The following AACS variants were observed in gnomAD, a reference collection of about 807,000 sequenced individuals.
AACS encodes the protein acetoacetyl-CoA synthetase.
A neutral mutation model predicts 83.1 loss-of-function variants in AACS; 69 were observed. The ratio of observed to expected loss-of-function variants is 0.83; its 90% CI spans 0.68 to 1.01. AACS has a LOEUF of 1.01. Among genes scored for constraint, AACS ranks in the 50% least tolerant of loss-of-function variants. The pLI is 0.00. For missense variants in AACS, 866 were observed against 882.2 expected (o/e 0.98, Z 0.23); for synonymous variants, 333 against 343.4 (o/e 0.97, Z 0.33).
rs74563339 is a variant in AACS, at chr12:125,073,820, T to A, written c.134-56T>A. ...AGGCTTCTGAGGTGTGTCCATCTTA[T>A]TAATGGATTGCCAAGATTTCCCTTC... is the stretch of plus-strand genomic sequence containing the variant. On this transcript the variant is annotated intron_variant, in intron 1 of 17. Coordinates refer to ENST00000316519, the MANE Select transcript of AACS (RefSeq NM_023928.5). 2,768 of 1,439,332 alleles carry A rather than the reference T, an allele frequency of 1.9e-3. 55 individuals are homozygous for A. In the African/African-American group the frequency reaches 0.031, roughly 16 times the overall value. 89.2% of individuals were successfully genotyped at this position (1,439,332 alleles called of 1,614,324 possible). A position where few individuals can be genotyped will look rare whatever the true frequency, so the allele number is the denominator to read the frequency against.
chr12:125,065,660 A>G lies in AACS; in HGVS notation c.76A>G (p.Asn26Asp). 6.5e-7 allele frequency: 1 copy of G among 1,547,240 alleles called. No homozygotes were observed. Among genetic ancestry groups the G allele is most frequent in the African/African-American group, 1.4e-5 (1 of 72,484 alleles). The change falls in exon 1 of 18, where the codon AAC becomes GAC. Residue 26 changes from asparagine to aspartate, a missense_variant. Asn to Asp is a conservative substitution (Grantham distance 23). Transcript: ENST00000316519. ...QVMWEPDSKK[N>D]TQMDRFRAAV... Reference sequence around the variant, plus strand: ...GATGTGGGAGCCTGACAGTAAGAAGAACACGCAGATGGACCGCTTCCGGGC... The same window carrying G: ...GATGTGGGAGCCTGACAGTAAGAAGGACACGCAGATGGACCGCTTCCGGGC...
chr12:125,142,035 G>A, intron 17 of AACS, 57 bp from the exon 18 acceptor site: 4 of 1,605,868 alleles, frequency 2.5e-6, no homozygotes, highest in South Asian at 1.1e-5. Flanking sequence ...ATCCAGGGCT[G>A]CGGATTTTCC....
At chr12:125,081,407 G>T (rs906496689) in intron 3 of AACS, among the ~76,000 whole-genome samples, 20 of 152,194 alleles carry the variant, frequency 1.3e-4, no homozygotes, top group African/African-American at 4.1e-4. Context: ...TTAAGCAAGG[G>T]CCTAAGCAGC....
intron 17 of AACS, chr12:125,138,855 T>G (rs944781067): frequency 7.9e-5 from 12 of 151,290 alleles, no homozygotes; most frequent in Non-Finnish European, 1.5e-4. Flanking sequence ...TAGGGAGGGG[T>G]CCAGCCTCCA....
intron 5 of AACS, among the ~76,000 whole-genome samples, chr12:125,093,033 T>C (rs1367863492): frequency 1.3e-5 from 2 of 152,146 alleles, no homozygotes; most frequent in Non-Finnish European, 2.9e-5. Context: ...ATGGCAGCAG[T>C]GTTAGTGCAA....
Position 125,073,978 on chromosome 12 carries a change from A to C in AACS, c.236A>C (p.Glu79Ala). The C allele has an allele frequency of 5.0e-6, 8 of 1,607,344 alleles. No homozygotes were observed. The highest frequency in any genetic ancestry group is 6.8e-6 in the Non-Finnish European group (8 of 1,176,376). Residue 79 changes from glutamate (E) to alanine (A), a missense_variant and splice_region_variant, in exon 2 of 18, where the codon GAG becomes GCG. Glu to Ala is a moderately radical substitution (Grantham distance 107). Transcript: ENST00000316519. ...SGIVFSRVYD[E>A]VVDTSKGIAD... ...ATTGTCTTCTCACGTGTGTATGATG[A>C]GGTAAGTAGAGATTTTCCGTGGATA... is the stretch of plus-strand genomic sequence containing the variant.
intron 12 of AACS, 137 bp from the exon 13 acceptor site, chr12:125,128,024 C>A: frequency 1.8e-6 from 1 of 548,852 alleles, no homozygotes; most frequent in Non-Finnish European, 3.1e-6. Context: ...GAAGCCCCAC[C>A]TGTCTGGGAT....
chr12:125,091,596 A>G, intron 5 of AACS, 73 bp downstream of exon 5: 1 of 1,492,808 alleles, frequency 6.7e-7, no homozygotes, highest in East Asian at 2.3e-5. Flanking sequence ...GCATGGGCTG[A>G]ATTCCCAGGG....
intron 12 of AACS, among the ~76,000 whole-genome samples, chr12:125,125,391 G>C (rs942669845): frequency 6.6e-6 from 1 of 152,222 alleles, no homozygotes; most frequent in Non-Finnish European, 1.5e-5. Context: ...TCAGGTGCTA[G>C]AGCTGGGATG....
At chr12:125,136,975 C>A in intron 17 of AACS, 111 bp downstream of exon 17, 1 of 1,151,042 alleles carries the variant, frequency 8.7e-7, no homozygotes, top group Non-Finnish European at 1.2e-6. Flanking sequence ...ATCGTTTGTC[C>A]ACGTTGCCTA....
rs113575055 is a variant in AACS at position 125,118,673 on chromosome 12, C to T, written c.1029C>T (p.Ser343=). 1.5e-5 allele frequency: 24 copies of T among 1,614,126 alleles called. No homozygotes were observed. The highest frequency in any genetic ancestry group is 1.1e-4 in the African/African-American group (8 of 75,048). Residue 343 remains serine (S), a synonymous_variant, in exon 10 of 18, where the codon TCC becomes TCT. Coordinates refer to ENST00000316519, the MANE Select transcript of AACS (RefSeq NM_023928.5). ...VGWMMWNWMV[S]LLATGAAMVL... is the part of the protein sequence containing the mutation. The stretch of plus-strand genomic sequence containing the variant: ...GGATGATGTGGAACTGGATGGTGTC[C>T]CTTCTGGCCACAGGAGCGGCCATGG...
At chr12:125,131,654 C>T (rs918505039) in intron 14 of AACS, among the ~76,000 whole-genome samples, 6 of 151,724 alleles carry the variant, frequency 4.0e-5, no homozygotes, top group Non-Finnish European at 7.4e-5. Flanking sequence ...TTTTTTGACA[C>T]GGTATCTCGC....
chr12:125,079,838 A>T (rs1033394904), intron 3 of AACS, among the ~76,000 whole-genome samples: 7 of 152,086 alleles, frequency 4.6e-5, no homozygotes, highest in African/African-American at 1.7e-4. Flanking sequence ...AGGAAACCCC[A>T]TACCAATTAG....
chr12:125,101,647 C>T (rs1213010951), intron 5 of AACS: 2 of 152,008 alleles, frequency 1.3e-5, no homozygotes, highest in Non-Finnish European at 2.9e-5. Flanking sequence ...TGTAAACACA[C>T]ACTCTATACT....
intron 5 of AACS, among the ~76,000 whole-genome samples, chr12:125,096,366 C>A (rs1341311188): frequency 6.6e-6 from 1 of 152,240 alleles, no homozygotes; most frequent in African/African-American, 2.4e-5. Flanking sequence ...GCAATCATTT[C>A]TTCCCCACTA....
intron 12 of AACS, chr12:125,127,212 C>G (rs1016040022): frequency 6.6e-6 from 1 of 152,096 alleles, no homozygotes; most frequent in Non-Finnish European, 1.5e-5. Context: ...GTTGGTTCCT[C>G]GGCCTGAGGT....
intron 17 of AACS, chr12:125,138,863 C>T (rs1189954258): frequency 6.7e-6 from 1 of 148,416 alleles, no homozygotes; most frequent in Non-Finnish European, 1.5e-5. Context: ...GGTCCAGCCT[C>T]CACAGGGAGG....
intron 4 of AACS, among the ~76,000 whole-genome samples, chr12:125,088,109 G>A (rs1956381140): frequency 6.6e-6 from 1 of 152,136 alleles, no homozygotes; most frequent in Admixed American, 6.6e-5. Context: ...GAAGGCAGGG[G>A]CTTTGTTTTC....
Position 125,086,336 on chromosome 12 carries a change from G to A in AACS, c.365G>A (p.Gly122Asp), listed in dbSNP as rs769170664. The A allele has an allele frequency of 1.2e-6, 2 of 1,614,088 alleles. No homozygotes were observed. The highest frequency in any genetic ancestry group is 1.7e-6 in the Non-Finnish European group (2 of 1,179,974). The change falls in exon 4 of 18, where the codon GGC becomes GAC. Residue 122 changes from glycine to aspartate, a missense_variant. By Grantham distance (94) the Gly-to-Asp change is moderately conservative (BLOSUM62 -1). Coordinates refer to ENST00000316519, the MANE Select transcript of AACS (RefSeq NM_023928.5). ...DRVALYIAREGKEEIVKVTFE... is the reference protein window; with the variant it reads ...DRVALYIAREDKEEIVKVTFE... ...ACCCTTTTTCTCTTCCCAGGGGAAG[G>A]CAAAGAGGAAATTGTGAAGGTGACT...
Sources: gnomAD v4.1 joint callset for allele counts (sites outside exome capture counted in the v4.1 genomes callset) on GRCh38, gnomAD v4.1.1 for gene constraint, MANE v1.5 for transcripts, NCBI Gene and HGNC (gene_info 2026-07-23, HGNC 2026-07-21) for gene names.